PDCD2L: variants seen among roughly 807,000 people sequenced by gnomAD.
The protein encoded by PDCD2L is programmed cell death 2 like, also known as uS5 assembly chaperone PDCD2L.
A neutral mutation model predicts 40.4 loss-of-function variants in PDCD2L; 44 were observed. The observed-to-expected ratio is 1.09, with a 90% CI of 0.86 to 1.40. The LOEUF is 1.40. Ranked by LOEUF, PDCD2L falls within the 40% of genes most tolerant of loss-of-function variation. The pLI is 0.00. For synonymous variants in PDCD2L, 194 were observed against 174.6 expected (o/e 1.11, Z -0.88); for missense variants, 470 against 453.7 (o/e 1.04, Z -0.33).
In PDCD2L at chr19:34,421,339, T is replaced by C. The variant is rs960216384; in HGVS notation, c.798-180T>C. On this transcript the variant is annotated intron_variant, in intron 5 of 6. Coordinates refer to ENST00000246535, the MANE Select transcript of PDCD2L (RefSeq NM_032346.2). The stretch of plus-strand genomic sequence containing the variant: ...CATTGACTTTAGTGCCTTTGAGACT[T>C]TGAATCGAACACTGACAAGATTTCC... 7.0e-6 allele frequency: 5 copies of C among 709,362 alleles called. No homozygotes were observed. In the Admixed American group the frequency reaches 7.2e-5, roughly 10 times the overall value. 43.9% of individuals were successfully genotyped at this position (709,362 alleles called of 1,614,324 possible). A position where few individuals can be genotyped will look rare whatever the true frequency, so the allele number is the denominator to read the frequency against.
Position 34,404,517 on chromosome 19 carries a change from T to A in PDCD2L, c.87T>A (p.Ala29=). 1 of 1,543,324 alleles carries A rather than the reference T, an allele frequency of 6.5e-7. No individual in the cohort carries two copies. The highest frequency in any genetic ancestry group is 8.7e-7 in the Non-Finnish European group (1 of 1,147,880). ...CCACAGGGCCGGGTGCCTGGACTGC[T>A]AGCAAGCTGGGCGGCATTCCGGTGA... The part of the protein sequence containing the change: ...GSPTGPGAWT[A]SKLGGIPDAL... The change falls in exon 1 of 7, where the codon GCT becomes GCA. Residue 29 remains alanine (A), a synonymous_variant. Transcript: ENST00000246535.
chr19:34,416,436 C>T (rs1157336379), intron 5 of PDCD2L, among the ~76,000 whole-genome samples: 1 of 152,150 alleles, frequency 6.6e-6, no homozygotes, highest in Non-Finnish European at 1.5e-5. Context: ...GCAATTTCGC[C>T]TCCATTCGAG....
intron 3 of PDCD2L, among the ~76,000 whole-genome samples, chr19:34,407,386 GC>G (rs894156130): frequency 6.6e-6 from 1 of 151,866 alleles, no homozygotes; most frequent in African/African-American, 2.4e-5. Flanking sequence ...TGATCCACCC[GC>G]CTTGGCTTCC....
rs377088033 is a variant in PDCD2L at position 34,419,390 on chromosome 19, G to C, written c.798-2129G>C. 2.6e-5 allele frequency among the ~76,000 whole-genome samples: 4 copies of C among 152,046 alleles called. No homozygotes were observed. In the East Asian group the frequency reaches 7.7e-4, roughly 29 times the overall value. ...GGCTGGTATCAAACTTTTGACCTCA[G>C]GTGACCCGCCTGCCTTGGCCTCCCA... On this transcript the variant is annotated intron_variant, in intron 5 of 6. Coordinates refer to ENST00000246535, the MANE Select transcript of PDCD2L (RefSeq NM_032346.2).
At chr19:34,410,314 C>A (rs759100741) in intron 4 of PDCD2L, among the ~76,000 whole-genome samples, 1 of 152,184 alleles carries the variant, frequency 6.6e-6, no homozygotes. Flanking sequence ...TGCAATGGCA[C>A]GATCTCGGCT....
At chr19:34,410,419 T>G (rs187224149) in intron 4 of PDCD2L, among the ~76,000 whole-genome samples, 16 of 152,068 alleles carry the variant, frequency 1.1e-4, no homozygotes, top group African/African-American at 3.6e-4. Flanking sequence ...GCCCAGCTAA[T>G]TTTTGTATTT....
rs547306985 is a variant in PDCD2L at position 34,423,491 on chromosome 19, CTT to C, written c.946+1844_946+1845del. Among the ~76,000 whole-genome samples, 48 of 113,078 alleles carry C rather than the reference CTT, an allele frequency of 4.2e-4. No homozygotes were observed. In the South Asian group the frequency reaches 4.7e-3, roughly 11 times the overall value. The allele number at this position is 113,078 out of a possible 152,430, so 74.2% of individuals were successfully genotyped here. ...GAGCCACCGTGCCTGGACCCAGTAT[CTT>C]TTTTTTTTTTTTTTTTTTTGAGATG... On this transcript the variant is annotated intron_variant, in intron 6 of 6. Coordinates refer to ENST00000246535, the MANE Select transcript of PDCD2L (RefSeq NM_032346.2).
intron 4 of PDCD2L, among the ~76,000 whole-genome samples, chr19:34,411,334 G>A (rs966481112): frequency 4.7e-5 from 7 of 148,808 alleles, no homozygotes; most frequent in African/African-American, 1.2e-4. Flanking sequence ...CTCCCTCGCC[G>A]GCTTAAGCAG....
At chr19:34,409,874 A>G (rs1444967114) in intron 4 of PDCD2L, among the ~76,000 whole-genome samples, 1 of 152,150 alleles carries the variant, frequency 6.6e-6, no homozygotes. Context: ...AAAAATGGAA[A>G]AAGGAAAAGA....
intron 5 of PDCD2L, among the ~76,000 whole-genome samples, chr19:34,415,433 C>T (rs561398295): frequency 2.6e-5 from 4 of 152,196 alleles, no homozygotes; most frequent in South Asian, 2.1e-4. Flanking sequence ...AAAAACAAAC[C>T]TGTATGATTC....
intron 3 of PDCD2L, among the ~76,000 whole-genome samples, chr19:34,405,464 G>T (rs1401411168): frequency 6.6e-6 from 1 of 151,444 alleles, no homozygotes; most frequent in Non-Finnish European, 1.5e-5. Context: ...GGTTTTGTGA[G>T]AGTTTTTTTT....
At chr19:34,425,414 C>A (rs959461462) in intron 6 of PDCD2L, among the ~76,000 whole-genome samples, 1 of 151,324 alleles carries the variant, frequency 6.6e-6, no homozygotes, top group South Asian at 2.1e-4. Flanking sequence ...GATCCTTCTG[C>A]CTTAGTCTCC....
At chr19:34,405,097 G>T in intron 3 of PDCD2L, 107 bp downstream of exon 3, 3 of 1,016,404 alleles carry the variant, frequency 3.0e-6, no homozygotes, top group Non-Finnish European at 2.8e-6. Context: ...GTACACTGGA[G>T]TGTTTTTTGC....
chr19:34,411,553 G>T (rs1375582895), intron 4 of PDCD2L, among the ~76,000 whole-genome samples: 1 of 151,832 alleles, frequency 6.6e-6, no homozygotes, highest in Non-Finnish European at 1.5e-5. Context: ...CCTGCTCATG[G>T]TTTACTGCAG....
chr19:34,419,033 TCAAA>T (rs1167360760), intron 5 of PDCD2L, among the ~76,000 whole-genome samples: 4 of 152,378 alleles, frequency 2.6e-5, no homozygotes, highest in Non-Finnish European at 5.9e-5. Context: ...TTTTTAGCAC[TCAAA>T]CAGATTCTGA....
intron 6 of PDCD2L, among the ~76,000 whole-genome samples, chr19:34,424,745 A>T (rs1316294411): frequency 1.2e-3 from 153 of 130,660 alleles, no homozygotes; most frequent in Middle Eastern, 4.0e-3. Context: ...CCATTTTTTC[A>T]TTTTTTTTTT....
intron 4 of PDCD2L, among the ~76,000 whole-genome samples, chr19:34,411,069 C>T (rs2075100390): frequency 6.6e-6 from 1 of 151,736 alleles, no homozygotes; most frequent in African/African-American, 2.4e-5. Flanking sequence ...AGGTGTGAGC[C>T]ACCGCGCCCG....
At chr19:34,424,036 C>G (rs1462148470) in intron 6 of PDCD2L, among the ~76,000 whole-genome samples, 1 of 152,004 alleles carries the variant, frequency 6.6e-6, no homozygotes, top group Non-Finnish European at 1.5e-5. Flanking sequence ...ATCCCACTTT[C>G]TCTTTTCAGA....
chr19:34,414,944 CA>C (rs2145465702), intron 5 of PDCD2L, among the ~76,000 whole-genome samples: 1 of 151,952 alleles, frequency 6.6e-6, no homozygotes, highest in South Asian at 2.1e-4. Context: ...AGGAGTGTGC[CA>C]CCATGTTTGG....
Sources: allele counts gnomAD v4.1 joint callset (sites outside exome capture counted in the v4.1 genomes callset), GRCh38; gene constraint gnomAD v4.1.1; transcripts MANE v1.5; gene names NCBI Gene and HGNC (gene_info 2026-07-23, HGNC 2026-07-21).